Variants in PCDHGB1 observed in about 807,000 individuals in gnomAD.
PCDHGB1 encodes the protein protocadherin gamma-B1.
Under a neutral mutation model 56.6 loss-of-function variants are expected in PCDHGB1, and 34 were observed. That is an observed-to-expected ratio of 0.60 (90% CI 0.46 to 0.80). The LOEUF (loss-of-function observed/expected upper bound fraction) is 0.80. Ranked by LOEUF, PCDHGB1 falls within the 30% of genes least tolerant of loss-of-function variation. The pLI is 0.00. For synonymous variants in PCDHGB1, 561 were observed against 505.9 expected, an observed-to-expected ratio of 1.11 and a Z score of -1.46; for missense variants, 1,278 against 1,204.6, an observed-to-expected ratio of 1.06 and a Z score of -0.90.
chr5:141,473,930 G>T (rs966856411), intron 1 of PCDHGB1, among the ~76,000 whole-genome samples: 3 of 152,156 alleles, frequency 2.0e-5, no homozygotes, highest in Admixed American at 6.5e-5. Flanking sequence ...TGAGCTGGGT[G>T]CAGTAGCTCA....
chr5:141,485,734 C>T lies in PCDHGB1; in HGVS notation c.2410-9073C>T. ...CACTGGATGTGAAGAAGCGCAGCGACGGCAGCCTGGTCCCAGAGCTGCTCC... is the reference window on the plus strand; with the variant it reads ...CACTGGATGTGAAGAAGCGCAGCGATGGCAGCCTGGTCCCAGAGCTGCTCC... On this transcript the variant is annotated intron_variant, in intron 1 of 3. Transcript: ENST00000523390. This position sits in a 1 kb window ranked among gnomAD's most constrained non-coding sequence, Gnocchi z 5.7. The T allele has an allele frequency of 6.2e-7, 1 of 1,614,210 alleles. No individual in the cohort carries two copies. The highest frequency in any genetic ancestry group is 8.5e-7 in the Non-Finnish European group (1 of 1,180,028).
chr5:141,498,251 C>A (rs1277949209), intron 2 of PCDHGB1, among the ~76,000 whole-genome samples: 1 of 152,178 alleles, frequency 6.6e-6, no homozygotes, highest in African/African-American at 2.4e-5. Flanking sequence ...CAAAGCAGGG[C>A]TGGTGTTGAG....
chr5:141,397,835 T>G (rs1483046343), intron 1 of PCDHGB1, among the ~76,000 whole-genome samples: 1 of 152,238 alleles, frequency 6.6e-6, no homozygotes, highest in Admixed American at 6.5e-5. Context: ...CTGGTTAACT[T>G]GAAGCCGCAG....
Position 141,376,684 on chromosome 5 carries a change from T to G in PCDHGB1, c.2409+24015T>G, listed in dbSNP as rs574993154. 1.2e-3 allele frequency: 1,011 copies of G among 809,238 alleles called. 6 individuals carry two copies. Among genetic ancestry groups the G allele is most frequent in the Non-Finnish European group, 1.3e-3 (680 of 543,972 alleles). The allele number at this position is 809,238 out of a possible 1,614,324, so 50.1% of individuals were successfully genotyped here. On this transcript the variant is annotated intron_variant, in intron 1 of 3. Coordinates refer to ENST00000523390, the MANE Select transcript of PCDHGB1 (RefSeq NM_018922.3). ...GTTCAGGTGAGGGTATCGTTTTTTT[T>G]TTTTTTTTTTTTTGAGACGGAGTCT...
At chr5:141,365,366 G>T (rs764735476) in intron 1 of PCDHGB1, 1 of 1,613,792 alleles carries the variant, frequency 6.2e-7, no homozygotes, top group South Asian at 1.1e-5. Context: ...CAATGCCCCC[G>T]AAGTGATCCT....
In PCDHGB1 at chr5:141,371,048, C is replaced by T. The variant is rs1458695026; in HGVS notation, c.2409+18379C>T. 2.5e-6 allele frequency: 4 copies of T among 1,613,772 alleles called. No homozygotes were observed. In the Admixed American group the frequency reaches 6.7e-5, roughly 27 times the overall value. On this transcript the variant is annotated intron_variant, in intron 1 of 3. Coordinates refer to ENST00000523390, the MANE Select transcript of PCDHGB1 (RefSeq NM_018922.3). ...TGGTCCTCACAGCTGTGGATGGGGG[C>T]GAGCCCTCCAGAAGCTGTACCACCC...
At chr5:141,473,919 A>G (rs2099331297) in intron 1 of PCDHGB1, among the ~76,000 whole-genome samples, 1 of 152,172 alleles carries the variant, frequency 6.6e-6, no homozygotes, top group African/African-American at 2.4e-5. Flanking sequence ...TAAGAAAACT[A>G]TGAGCTGGGT....
In PCDHGB1 at chr5:141,477,875, G is replaced by A. The variant is rs760433987; in HGVS notation, c.2410-16932G>A. Reference sequence around the variant, plus strand: ...GATGCTGCCTCGAGGTACCTCAGCTGGCCACCTAGTGTCACGGGTGGTAGG... The same window carrying A: ...GATGCTGCCTCGAGGTACCTCAGCTAGCCACCTAGTGTCACGGGTGGTAGG... On this transcript the variant is annotated intron_variant, in intron 1 of 3. Coordinates refer to ENST00000523390, the MANE Select transcript of PCDHGB1 (RefSeq NM_018922.3). The surrounding 1 kb of genome is among the most constrained non-coding windows in gnomAD (Gnocchi z 4.9). 1 of 1,614,162 alleles carries A rather than the reference G, an allele frequency of 6.2e-7. No homozygotes were observed. Among genetic ancestry groups the A allele is most frequent in the Non-Finnish European group, 8.5e-7 (1 of 1,180,028 alleles).
chr5:141,444,551 G>A (rs758187608), intron 1 of PCDHGB1, among the ~76,000 whole-genome samples: 1 of 152,022 alleles, frequency 6.6e-6, no homozygotes, highest in Non-Finnish European at 1.5e-5. Context: ...TGAGCAAAAG[G>A]CACTTATTTG....
intron 1 of PCDHGB1, chr5:141,355,137 T>C: frequency 6.6e-7 from 1 of 1,524,866 alleles, no homozygotes; most frequent in Non-Finnish European, 8.8e-7. Context: ...CAGAAGATCC[T>C]GGGGCTCCTC....
intron 1 of PCDHGB1, among the ~76,000 whole-genome samples, chr5:141,464,077 C>T (rs891173261): frequency 1.3e-5 from 2 of 151,950 alleles, no homozygotes; most frequent in African/African-American, 4.8e-5. Context: ...CCAGCCTGGC[C>T]AACATGGTGA....
intron 1 of PCDHGB1, among the ~76,000 whole-genome samples, chr5:141,448,632 T>G (rs1383720361): frequency 1.3e-5 from 2 of 152,106 alleles, no homozygotes; most frequent in Admixed American, 1.3e-4. Context: ...TTCTTCACAT[T>G]ATATCCTTTA....
At chr5:141,393,669 G>A in intron 1 of PCDHGB1, 1 of 1,613,886 alleles carries the variant, frequency 6.2e-7, no homozygotes, top group Non-Finnish European at 8.5e-7. Flanking sequence ...GAAAATTAAT[G>A]AAAAACAAAC....
rs771398829 is a variant in PCDHGB1, at chr5:141,421,251, G to A, written c.2409+68582G>A. ...CCATGGCGAATCGGCTACAGCGCGG[G>A]GACCGCAGTCGGCTGCTGCTGCTGC... On this transcript the variant is annotated intron_variant, in intron 1 of 3. Transcript: ENST00000523390. 17 of 1,606,770 alleles carry A rather than the reference G, an allele frequency of 1.1e-5. No homozygotes were observed. The East Asian group carries it at 3.1e-4, about 30-fold the overall frequency.
intron 1 of PCDHGB1, among the ~76,000 whole-genome samples, chr5:141,353,822 G>C (rs1319951796): frequency 1.3e-5 from 2 of 152,124 alleles, no homozygotes; most frequent in South Asian, 4.1e-4. Flanking sequence ...ATCATCCGCA[G>C]TTTGTGCGGT....
intron 1 of PCDHGB1, among the ~76,000 whole-genome samples, chr5:141,381,832 T>TTTG (rs1185630457): frequency 7.4e-6 from 1 of 135,134 alleles, no homozygotes; most frequent in Non-Finnish European, 1.6e-5. Flanking sequence ...TCTTCTTTTT[T>TTTG]TTTTTTTTTT....
Position 141,476,782 on chromosome 5 carries a change from A to T in PCDHGB1, c.2410-18025A>T. On this transcript the variant is annotated intron_variant, in intron 1 of 3. Coordinates refer to ENST00000523390, the MANE Select transcript of PCDHGB1 (RefSeq NM_018922.3). The surrounding 1 kb of genome is among the most constrained non-coding windows in gnomAD (Gnocchi z 7.6). ...TGACGGCGTTGGACGGAGGGACCCCAGCTCTCTCCGCCAGCCTGCCTATTC... is the reference window on the plus strand; with the variant it reads ...TGACGGCGTTGGACGGAGGGACCCCTGCTCTCTCCGCCAGCCTGCCTATTC... 6.2e-7 allele frequency: 1 copy of T among 1,613,568 alleles called. No individual in the cohort carries two copies. The highest frequency in any genetic ancestry group is 8.5e-7 in the Non-Finnish European group (1 of 1,179,996).
intron 1 of PCDHGB1, chr5:141,361,292 T>C (rs1761961385): frequency 6.2e-7 from 1 of 1,613,976 alleles, no homozygotes; most frequent in Non-Finnish European, 8.5e-7. Flanking sequence ...TACTGCCAAG[T>C]GTTGGGAAAT....
chr5:141,472,733 C>T (rs1450872513), intron 1 of PCDHGB1, among the ~76,000 whole-genome samples: 2 of 151,996 alleles, frequency 1.3e-5, no homozygotes, highest in Non-Finnish European at 2.9e-5. Context: ...CACCTGTAAT[C>T]CCAGCACTTT....
Sources: allele counts gnomAD v4.1 joint callset (sites outside exome capture counted in the v4.1 genomes callset), GRCh38; gene constraint gnomAD v4.1.1; non-coding constraint Gnocchi (gnomAD v3.1); transcripts MANE v1.5; gene names NCBI Gene and HGNC (gene_info 2026-07-23, HGNC 2026-07-21).